C5: variants seen among roughly 807,000 people sequenced by gnomAD.
The protein encoded by C5 is complement C5.
In C5, 140 loss-of-function variants were observed where a neutral mutation model predicts 218.8. That is an observed-to-expected ratio of 0.64 (90% CI 0.56 to 0.74). The LOEUF (loss-of-function observed/expected upper bound fraction) is 0.74, where lower values mean the gene tolerates loss of function less well. C5 is among the 30% of genes least tolerant of loss of function. C5 has a pLI of 0.00. For synonymous variants in C5, 614 were observed against 682.3 expected, an observed-to-expected ratio of 0.90 and a Z score of 1.56; for missense variants, 1,700 against 1,969.6, an observed-to-expected ratio of 0.86 and a Z score of 2.59.
upstream of C5, among the ~76,000 whole-genome samples, chr9:121,052,070 A>G (rs1277541188): frequency 6.6e-6 from 1 of 152,220 alleles, no homozygotes; most frequent in Non-Finnish European, 1.5e-5. Context: ...ATGGATCTCA[A>G]AGATTCTCAA....
the C5 span, among the ~76,000 whole-genome samples, chr9:121,070,664 G>A: frequency 6.6e-6 from 1 of 151,828 alleles, no homozygotes; most frequent in African/African-American, 2.4e-5. Flanking sequence ...ATATGTCGAA[G>A]CTGAAAAATG....
At chr9:121,026,541 A>G (rs1409954831) in intron 8 of C5, among the ~76,000 whole-genome samples, 2 of 152,184 alleles carry the variant, frequency 1.3e-5, no homozygotes, top group African/African-American at 4.8e-5. Flanking sequence ...TCTTTGTTGT[A>G]GGGGCCTGCC....
At chr9:121,068,392 A>T in the C5 span, among the ~76,000 whole-genome samples, 1 of 152,286 alleles carries the variant, frequency 6.6e-6, no homozygotes, top group East Asian at 1.9e-4. Context: ...AATAGCTATT[A>T]AAAAAACACC....
chr9:121,074,832 G>C, the C5 span: 1 of 456,200 alleles, frequency 2.2e-6, no homozygotes, highest in Admixed American at 2.3e-5. Flanking sequence ...AAGACTCCCC[G>C]GCATCCTAGC....
At chr9:121,034,424 G>A (rs2047505272) in intron 5 of C5, among the ~76,000 whole-genome samples, 1 of 152,076 alleles carries the variant, frequency 6.6e-6, no homozygotes, top group Admixed American at 6.6e-5. Context: ...TTGCCTTCTG[G>A]TAGTTTATCC....
At chr9:121,027,941 C>T (rs1033831487) in intron 7 of C5, among the ~76,000 whole-genome samples, 40 of 152,024 alleles carry the variant, frequency 2.6e-4, no homozygotes, top group Admixed American at 1.6e-3. Context: ...TGCAATCTAC[C>T]CATCTGACAA....
At chr9:120,996,184 C>T (rs1286859089) in intron 22 of C5, 56 bp downstream of exon 22, 5 of 1,279,824 alleles carry the variant, frequency 3.9e-6, no homozygotes, top group African/African-American at 1.5e-5. Flanking sequence ...GTTACATACA[C>T]ACTTTAACTT....
At position 121,026,790 on chromosome 9, in the gene C5, A is replaced by C. The variant is rs191934802; in HGVS notation, c.873+370T>G. The stretch of plus-strand genomic sequence containing the variant: ...TCCCAGAGAAAGGCTGTCAATGTTG[A>C]AACTTAAAGAATGAGAAGGAATTAG... On this transcript the variant is annotated intron_variant, in intron 8 of 40. Transcript: ENST00000223642. 2.0e-5 allele frequency among the ~76,000 whole-genome samples: 3 copies of C among 152,278 alleles called. No individual in the cohort carries two copies. The East Asian group carries it at 5.8e-4, about 29-fold the overall frequency.
intron 20 of C5, among the ~76,000 whole-genome samples, chr9:120,998,010 C>A (rs994254434): frequency 6.6e-6 from 1 of 152,064 alleles, no homozygotes; most frequent in Non-Finnish European, 1.5e-5. Flanking sequence ...TCCATGTTGG[C>A]CAGGCTGATC....
chr9:120,993,912 G>A (rs973914148), intron 22 of C5, among the ~76,000 whole-genome samples: 1 of 152,126 alleles, frequency 6.6e-6, no homozygotes, highest in Non-Finnish European at 1.5e-5. Context: ...AATGGGGTCC[G>A]GGATGAAGGA....
At chr9:121,074,222 C>CT in the C5 span, among the ~76,000 whole-genome samples, 16,723 of 152,170 alleles carry the variant, frequency 0.11, 1,143 homozygotes, top group East Asian at 0.19. Context: ...GGTGATAACA[C>CT]TTTAAAAAAA....
chr9:121,023,642 T>C, intron 9 of C5, 123 bp from the exon 10 acceptor site: 1 of 712,886 alleles, frequency 1.4e-6, no homozygotes, highest in Non-Finnish European at 2.6e-6. Flanking sequence ...CTTGCATTCA[T>C]TCATTTACCA....
At position 120,969,060 on chromosome 9, in the gene C5, C is replaced by T. The variant is rs1005081546; in HGVS notation, c.4220+1G>A. 6.2e-7 allele frequency: 1 copy of T among 1,613,026 alleles called. No homozygotes were observed. The highest frequency in any genetic ancestry group is 1.3e-5 in the African/African-American group (1 of 74,864). ...GCTCCCCTTTGTGGAAATAGGCTCA[C>T]CTGGCACATGCTACTATGCGTTTGT... is the stretch of plus-strand genomic sequence containing the variant. On this transcript the variant is annotated splice_donor_variant, in intron 33 of 40. Coordinates refer to ENST00000223642, the MANE Select transcript of C5 (RefSeq NM_001735.3). LOFTEE classifies it high-confidence loss of function.
rs753639121 is a variant in C5, at chr9:121,016,464, A to C, written c.1867-81T>G. ...AGATCTAAAAGGTACTAATTGTTAC[A>C]TGGTTATCACAAACCAGTGAAATAC... On this transcript the variant is annotated intron_variant, in intron 14 of 40. Transcript: ENST00000223642. The C allele has an allele frequency of 3.0e-5, 46 of 1,554,430 alleles. 1 individual carries two copies. The highest frequency in any genetic ancestry group is 1.7e-4 in the Middle Eastern group (1 of 5,952).
At position 120,960,314 on chromosome 9, in the gene C5, C is replaced by T; in HGVS notation, c.4612G>A (p.Glu1538Lys). 2.5e-6 allele frequency: 4 copies of T among 1,613,308 alleles called. No individual in the cohort carries two copies. Among genetic ancestry groups the T allele is most frequent in the Non-Finnish European group, 3.4e-6 (4 of 1,179,634 alleles). ...TCTGCAGAGATTGTCAGATCCAATT[C>T]TTCCTGCATTTGCCCACAATCAGCT... ...VEADCGQMQE[E>K]LDLTISAETR... is the part of the protein sequence containing the mutation. Residue 1538 changes from glutamate (E) to lysine (K), a missense_variant, in exon 38 of 41, where the codon GAA (glutamate) becomes AAA (lysine). Physicochemically the swap from Glu to Lys is moderately conservative, Grantham distance 56 (BLOSUM62 1). Coordinates refer to ENST00000223642, the MANE Select transcript of C5 (RefSeq NM_001735.3).
the C5 span, among the ~76,000 whole-genome samples, chr9:121,060,994 C>A: frequency 6.6e-6 from 1 of 152,144 alleles, no homozygotes; most frequent in East Asian, 1.9e-4. Context: ...TCGACACCAG[C>A]CTGGCCAACA....
At chr9:120,971,698 A>G (rs893762138) in intron 31 of C5, among the ~76,000 whole-genome samples, 14 of 152,214 alleles carry the variant, frequency 9.2e-5, no homozygotes, top group South Asian at 4.1e-4. Context: ...AGGCCTCCCA[A>G]AGTGCTGGGA....
rs2131671343 is a variant in C5, at chr9:120,963,678, G to A, written c.4281C>T (p.Ser1427=). 6.2e-7 allele frequency: 1 copy of A among 1,613,962 alleles called. No individual in the cohort carries two copies. Among genetic ancestry groups the A allele is most frequent in the South Asian group, 1.1e-5 (1 of 91,072 alleles). Residue 1427 remains serine (S), a synonymous_variant, in exon 34 of 41, where the codon TCC becomes TCT. Transcript: ENST00000223642. ...CATTTGCACTGATTCCAGTAGGCAA[G>A]GAGATGTCCATCACCGCATGAGAGG... ...SGSSHAVMDI[S]LPTGISANEE...
At chr9:120,999,830 T>C (rs1373034693) in intron 20 of C5, 2 of 424,334 alleles carry the variant, frequency 4.7e-6, no homozygotes, top group Admixed American at 2.6e-5. Flanking sequence ...TTTGATATGA[T>C]GGAAATGCAC....
Sources: allele counts gnomAD v4.1 joint callset (sites outside exome capture counted in the v4.1 genomes callset), GRCh38; gene constraint gnomAD v4.1.1; transcripts MANE v1.5; gene names NCBI Gene and HGNC (gene_info 2026-07-23, HGNC 2026-07-21).